Variants in IPCEF1 observed in about 807,000 individuals in gnomAD.
The protein encoded by IPCEF1 is interactor protein for cytohesin exchange factors 1.
In IPCEF1, 31 loss-of-function variants were observed where a neutral mutation model predicts 50.9. The observed-to-expected ratio is 0.61, with a 90% CI of 0.46 to 0.82. The LOEUF is 0.82. Among genes scored for constraint, IPCEF1 ranks in the 40% least tolerant of loss-of-function variants. IPCEF1 has a pLI of 0.00. For missense variants in IPCEF1, 458 were observed against 514.0 expected, an observed-to-expected ratio of 0.89 and a Z score of 1.05; for synonymous variants, 181 against 192.0, an observed-to-expected ratio of 0.94 and a Z score of 0.47.
rs1190279108 is a variant in IPCEF1, at chr6:154,200,048, T to A, written c.538-8A>T. On this transcript the variant is annotated splice_region_variant and splice_polypyrimidine_tract_variant and intron_variant, in intron 9 of 11. Coordinates refer to ENST00000367220, the MANE Select transcript of IPCEF1 (RefSeq NM_001130700.2). ...AGATGCCTGCTGTGCAGTCTATTTT[T>A]CACAAATAAAACCAAAAAAAGAATA... The A allele has an allele frequency of 1.9e-6, 3 of 1,580,064 alleles. No homozygotes were observed. Among genetic ancestry groups the A allele is most frequent in the Non-Finnish European group, 1.7e-6 (2 of 1,165,418 alleles).
intron 1 of IPCEF1, among the ~76,000 whole-genome samples, chr6:154,323,579 G>C (rs1330156275): frequency 6.6e-6 from 1 of 151,958 alleles, no homozygotes; most frequent in Non-Finnish European, 1.5e-5. Flanking sequence ...TTGTCTCAGG[G>C]TCTGCTTCTG....
chr6:154,217,730 T>C (rs181117092), intron 7 of IPCEF1, among the ~76,000 whole-genome samples: 24 of 152,162 alleles, frequency 1.6e-4, no homozygotes, highest in African/African-American at 5.6e-4. Flanking sequence ...AATACCACAA[T>C]AACAATTTTT....
intron 10 of IPCEF1, among the ~76,000 whole-genome samples, chr6:154,189,968 T>C (rs1756053999): frequency 6.6e-6 from 1 of 151,930 alleles, no homozygotes; most frequent in South Asian, 2.1e-4. Flanking sequence ...CATCACACCG[T>C]ACCACATTAA....
At chr6:154,308,857 A>G (rs993265918) in intron 1 of IPCEF1, among the ~76,000 whole-genome samples, 3 of 152,242 alleles carry the variant, frequency 2.0e-5, no homozygotes, top group African/African-American at 7.2e-5. Flanking sequence ...TCAATTTTAC[A>G]GGATAATACT....
intron 1 of IPCEF1, among the ~76,000 whole-genome samples, chr6:154,308,290 T>C (rs1429057225): frequency 6.6e-6 from 1 of 152,128 alleles, no homozygotes; most frequent in Admixed American, 6.5e-5. Context: ...AATTTTTGTA[T>C]TTTTTTGTAG....
chr6:154,246,866 C>A, intron 4 of IPCEF1, 106 bp from the exon 5 acceptor site: 3 of 1,316,322 alleles, frequency 2.3e-6, no homozygotes, highest in African/African-American at 3.0e-5. Flanking sequence ...TAATTGTTAA[C>A]CCCCCGGGGA....
chr6:154,179,411 A>G (rs1800641951), intron 10 of IPCEF1, among the ~76,000 whole-genome samples: 1 of 151,840 alleles, frequency 6.6e-6, no homozygotes, highest in South Asian at 2.1e-4. Flanking sequence ...CTTATCTTAC[A>G]AGATCATAAA....
intron 5 of IPCEF1, among the ~76,000 whole-genome samples, chr6:154,236,378 G>T (rs1027300460): frequency 2.0e-5 from 3 of 152,196 alleles, no homozygotes; most frequent in Non-Finnish European, 4.4e-5. Context: ...AATGGTGGTT[G>T]CCAGGGACTG....
At chr6:154,163,319 T>G (rs1009404672) in intron 11 of IPCEF1, among the ~76,000 whole-genome samples, 3 of 152,264 alleles carry the variant, frequency 2.0e-5, no homozygotes, top group Non-Finnish European at 4.4e-5. Context: ...TTTGTGTTTT[T>G]GTTCCTTTTG....
chr6:154,239,149 G>A lies in IPCEF1; in HGVS notation c.246+7442C>T, dbSNP rs1056063949. On this transcript the variant is annotated intron_variant, in intron 5 of 11. Transcript: ENST00000367220. The stretch of plus-strand genomic sequence containing the variant: ...AAGAAACCAACATTTCCTGGCTCTC[G>A]GTGTTCCACAGTTAATTTTGAAAAG... 5.9e-5 allele frequency among the ~76,000 whole-genome samples: 9 copies of A among 151,930 alleles called. No homozygotes were observed. In the East Asian group the frequency reaches 9.6e-4, roughly 16 times the overall value.
chr6:154,235,547 A>AAAAT (rs1554297361), intron 5 of IPCEF1, among the ~76,000 whole-genome samples: 4 of 149,736 alleles, frequency 2.7e-5, no homozygotes, highest in South Asian at 4.3e-4. Flanking sequence ...AAAAAAAAAA[A>AAAAT]AAAAGTAATG....
chr6:154,173,753 A>G (rs1800065996), intron 10 of IPCEF1, among the ~76,000 whole-genome samples: 1 of 152,254 alleles, frequency 6.6e-6, no homozygotes, highest in Non-Finnish European at 1.5e-5. Flanking sequence ...ACTCTTCAGG[A>G]TATTATCCAG....
chr6:154,284,881 T>C (rs1384422418), intron 2 of IPCEF1, among the ~76,000 whole-genome samples: 1 of 152,062 alleles, frequency 6.6e-6, no homozygotes, highest in East Asian at 1.9e-4. Flanking sequence ...GCACCTGTAG[T>C]CCCAGCTACT....
intron 1 of IPCEF1, among the ~76,000 whole-genome samples, chr6:154,352,094 G>GTAAC (rs1165987650): frequency 6.6e-6 from 1 of 151,822 alleles, no homozygotes; most frequent in Non-Finnish European, 1.5e-5. Flanking sequence ...ATTTACCTAT[G>GTAAC]TAACAAACCT....
chr6:154,223,317 T>A, intron 5 of IPCEF1, 74 bp from the exon 6 acceptor site: 1 of 1,115,096 alleles, frequency 9.0e-7, no homozygotes, highest in East Asian at 2.5e-5. Context: ...ATCATATACA[T>A]GGAATAGGGA....
At chr6:154,268,837 G>C (rs1334388527) in intron 2 of IPCEF1, among the ~76,000 whole-genome samples, 1 of 151,640 alleles carries the variant, frequency 6.6e-6, no homozygotes, top group Non-Finnish European at 1.5e-5. Context: ...TCACCACCTA[G>C]GATGGCTTAT....
intron 11 of IPCEF1, among the ~76,000 whole-genome samples, chr6:154,165,192 T>C (rs1799327818): frequency 6.6e-6 from 1 of 152,128 alleles, no homozygotes; most frequent in Admixed American, 6.5e-5. Flanking sequence ...AAAATTGTGC[T>C]TAAAGAATTA....
At chr6:154,295,462 A>G (rs1016419664) in intron 1 of IPCEF1, among the ~76,000 whole-genome samples, 2 of 110,548 alleles carry the variant, frequency 1.8e-5, no homozygotes, top group African/African-American at 8.8e-5. Flanking sequence ...ATCTCACCGC[A>G]CCCCACCACC....
chr6:154,197,286 T>A (rs1172421838), intron 10 of IPCEF1, among the ~76,000 whole-genome samples: 1 of 151,848 alleles, frequency 6.6e-6, no homozygotes, highest in East Asian at 1.9e-4. Context: ...TAAAAAAAAA[T>A]GCACAATATG....
Sources: gnomAD v4.1 joint callset for allele counts (sites outside exome capture counted in the v4.1 genomes callset) on GRCh38, gnomAD v4.1.1 for gene constraint, MANE v1.5 for transcripts, NCBI Gene and HGNC (gene_info 2026-07-23, HGNC 2026-07-21) for gene names.